The following RNF168 variants were observed in gnomAD, a reference collection of about 807,000 sequenced individuals.
RNF168 encodes the protein ring finger protein 168, also known as E3 ubiquitin-protein ligase RNF168.
Under a neutral mutation model 34.9 loss-of-function variants are expected in RNF168, and 34 were observed. The observed-to-expected ratio is 0.97, with a 90% CI of 0.74 to 1.30. RNF168 has a LOEUF of 1.30. Among genes scored for constraint, RNF168 ranks in the 50% most tolerant of loss-of-function variants. RNF168 has a pLI of 0.00. For missense variants in RNF168, 725 were observed against 682.5 expected (o/e 1.06, Z -0.69); for synonymous variants, 264 against 254.7 (o/e 1.04, Z -0.35).
chr3:196,476,388 T>C (rs542436500), intron 4 of RNF168, among the ~76,000 whole-genome samples: 45 of 152,028 alleles, frequency 3.0e-4, no homozygotes, highest in Non-Finnish European at 6.0e-4. Flanking sequence ...ATAGAGATGT[T>C]ATCATACATA....
intron 1 of RNF168, among the ~76,000 whole-genome samples, chr3:196,497,397 CA>C (rs1361911329): frequency 6.6e-6 from 1 of 152,160 alleles, no homozygotes; most frequent in African/African-American, 2.4e-5. Flanking sequence ...ACTGGCCAGA[CA>C]CAGTGGCTCA....
chr3:196,484,263 G>A (rs754303106), intron 3 of RNF168, among the ~76,000 whole-genome samples: 13 of 132,544 alleles, frequency 9.8e-5, no homozygotes, highest in South Asian at 2.6e-4. Context: ...CTCCACCCCC[G>A]CAGGTTCATG....
chr3:196,497,917 CAG>C (rs1418107740), intron 1 of RNF168, among the ~76,000 whole-genome samples: 4 of 152,028 alleles, frequency 2.6e-5, no homozygotes, highest in African/African-American at 7.3e-5. Context: ...AAGAATTAAA[CAG>C]ACACTTTACA....
At chr3:196,500,781 G>T (rs975680641) in intron 1 of RNF168, among the ~76,000 whole-genome samples, 1 of 151,520 alleles carries the variant, frequency 6.6e-6, no homozygotes, top group Non-Finnish European at 1.5e-5. Flanking sequence ...GCGTGATCTC[G>T]GCTCACTGCA....
chr3:196,480,384 CTATCCTGAGTTTCTTA>C (rs1287619199), intron 4 of RNF168, among the ~76,000 whole-genome samples: 1 of 152,226 alleles, frequency 6.6e-6, no homozygotes, highest in East Asian at 1.9e-4. Context: ...CCACCTCATA[CTATCCTGAGTTTCTTA>C]TATCTTACTT....
At position 196,503,362 on chromosome 3, in the gene RNF168, C is replaced by G; in HGVS notation, c.-189G>C. ...AAAGGCGCTCTCAGGGTCAGGCAAA[C>G]AGGAATACCCCGGAGGGCGGCGTCT... On this transcript the variant is annotated 5_prime_UTR_variant, in exon 1 of 6. Transcript: ENST00000318037. The G allele has an allele frequency of 1.6e-6, 1 of 625,700 alleles. No individual in the cohort carries two copies. Among genetic ancestry groups the G allele is most frequent in the Non-Finnish European group, 2.8e-6 (1 of 351,542 alleles). The allele number at this position is 625,700 out of a possible 1,614,324, so 38.8% of individuals were successfully genotyped here. A position where few individuals can be genotyped will look rare whatever the true frequency, so the allele number is the denominator to read the frequency against.
Position 196,471,901 on chromosome 3 carries a change from TTACAG to T in RNF168, c.1629_1633del (p.His543GlnfsTer12). ...TAGGGAGTGAGCACTTTTGGATACC[TTACAG>T]TGATCTCTAGTAGAATTTGGCATCT... On this transcript the variant is annotated frameshift_variant, in exon 6 of 6. Transcript: ENST00000318037. LOFTEE classifies it high-confidence loss of function. 6.2e-7 allele frequency: 1 copy of T among 1,614,004 alleles called. No individual in the cohort carries two copies. The highest frequency in any genetic ancestry group is 8.5e-7 in the Non-Finnish European group (1 of 1,179,846).
chr3:196,472,052 T>C lies in RNF168; in HGVS notation c.1483A>G (p.Lys495Glu). The change falls in exon 6 of 6, where the codon AAA (lysine) becomes GAA (glutamate). Residue 495 changes from lysine (K) to glutamate (E), a missense_variant. Lys to Glu is a moderately conservative substitution (Grantham distance 56, BLOSUM62 1). Transcript: ENST00000318037. ...KVLNGQRKNP[K>E]DGNFKRQTHT... Reference sequence around the variant, plus strand: ...GTTTGCCTTTTGAAGTTCCCATCTTTGGGATTCTTCCTCTGTCCATTTAGC... The same window carrying C: ...GTTTGCCTTTTGAAGTTCCCATCTTCGGGATTCTTCCTCTGTCCATTTAGC... 2 of 1,613,908 alleles carry C rather than the reference T, an allele frequency of 1.2e-6. No homozygotes were observed. Among genetic ancestry groups the C allele is most frequent in the Non-Finnish European group, 1.7e-6 (2 of 1,179,856 alleles).
Position 196,471,770 on chromosome 3 carries a change from C to T in RNF168, c.*49G>A. On this transcript the variant is annotated 3_prime_UTR_variant, in exon 6 of 6. Transcript: ENST00000318037. Reference sequence around the variant, plus strand: ...ATGAAGATTCCATGATAGGAAAGAGCTTCACATTCCAGCTTTACTAGATCA... The same window carrying T: ...ATGAAGATTCCATGATAGGAAAGAGTTTCACATTCCAGCTTTACTAGATCA... 2.5e-6 allele frequency: 3 copies of T among 1,184,902 alleles called. No individual in the cohort carries two copies. The highest frequency in any genetic ancestry group is 3.8e-6 in the Non-Finnish European group (3 of 789,608). 73.4% of individuals were successfully genotyped at this position (1,184,902 alleles called of 1,614,324 possible).
rs1333571427 is a variant in RNF168, at chr3:196,470,592, C to T, written c.*1227G>A. On this transcript the variant is annotated 3_prime_UTR_variant, in exon 6 of 6. Coordinates refer to ENST00000318037, the MANE Select transcript of RNF168 (RefSeq NM_152617.4). ...CAACCACCCAATCAGTTTCAATGATCCAGACTGTCAGTCACCCCATCCAGC... is the reference window on the plus strand; with the variant it reads ...CAACCACCCAATCAGTTTCAATGATTCAGACTGTCAGTCACCCCATCCAGC... The T allele has an allele frequency of 6.6e-6, 1 of 152,070 alleles. No homozygotes were observed. The highest frequency in any genetic ancestry group is 6.6e-5 in the Admixed American group (1 of 15,128). 9.4% of individuals were successfully genotyped at this position (152,070 alleles called of 1,614,324 possible). A position where few individuals can be genotyped will look rare whatever the true frequency, so the allele number is the denominator to read the frequency against.
intron 4 of RNF168, among the ~76,000 whole-genome samples, chr3:196,479,633 C>T (rs1050391778): frequency 1.3e-5 from 2 of 151,864 alleles, no homozygotes; most frequent in African/African-American, 4.8e-5. Flanking sequence ...GACTATCGCC[C>T]AGGCTGGAGT....
At position 196,503,476 on chromosome 3, in the gene RNF168, G is replaced by A. The variant is rs1319005415; in HGVS notation, c.-303C>T. The A allele has an allele frequency of 1.2e-5, 5 of 414,426 alleles. No individual in the cohort carries two copies. The highest frequency in any genetic ancestry group is 2.3e-5 in the Non-Finnish European group (5 of 221,640). The allele number at this position is 414,426 out of a possible 1,614,324, so 25.7% of individuals were successfully genotyped here. On this transcript the variant is annotated 5_prime_UTR_variant, in exon 1 of 6. Coordinates refer to ENST00000318037, the MANE Select transcript of RNF168 (RefSeq NM_152617.4). ...GGCTGCTCCGCGGCATGAACACCGC[G>A]GCTGCGGCTCCCGGGGCAGCGAGGG...
chr3:196,484,975 T>C (rs1356872665), intron 3 of RNF168, among the ~76,000 whole-genome samples: 5 of 152,218 alleles, frequency 3.3e-5, no homozygotes, highest in African/African-American at 1.2e-4. Context: ...TTCTAATAAA[T>C]ACTTTTATAT....
chr3:196,481,962 CTTT>C (rs1270244249), intron 4 of RNF168, among the ~76,000 whole-genome samples: 2 of 135,394 alleles, frequency 1.5e-5, no homozygotes, highest in Non-Finnish European at 3.1e-5. Flanking sequence ...CTGTCCCTGG[CTTT>C]TTTTTTTTTT....
chr3:196,477,365 C>T (rs866337438), intron 4 of RNF168, among the ~76,000 whole-genome samples: 1 of 152,176 alleles, frequency 6.6e-6, no homozygotes, highest in South Asian at 2.1e-4. Flanking sequence ...ATAAGTTACA[C>T]TGTGTCAAAA....
At chr3:196,482,160 C>G (rs979313264) in intron 4 of RNF168, among the ~76,000 whole-genome samples, 1 of 152,064 alleles carries the variant, frequency 6.6e-6, no homozygotes, top group Non-Finnish European at 1.5e-5. Flanking sequence ...ACCACTTTAG[C>G]CACATACCAG....
At chr3:196,475,954 G>A (rs1212119822) in intron 4 of RNF168, among the ~76,000 whole-genome samples, 2 of 150,448 alleles carry the variant, frequency 1.3e-5, no homozygotes, top group East Asian at 2.0e-4. Context: ...CCGCCTCCCG[G>A]GTTTAAGCGA....
Position 196,471,611 on chromosome 3 carries a change from A to T in RNF168, c.*208T>A, listed in dbSNP as rs781363861. The T allele has an allele frequency of 3.5e-6, 2 of 570,196 alleles. No individual in the cohort carries two copies. The highest frequency in any genetic ancestry group is 6.3e-6 in the Non-Finnish European group (2 of 318,574). 35.3% of individuals were successfully genotyped at this position (570,196 alleles called of 1,614,324 possible). A position where few individuals can be genotyped will look rare whatever the true frequency, so the allele number is the denominator to read the frequency against. The stretch of plus-strand genomic sequence containing the variant: ...AGCTTAATACACATCTGTTATTAAG[A>T]AGGGAAACGACAGGGGACCCCTGCT... On this transcript the variant is annotated 3_prime_UTR_variant, in exon 6 of 6. Coordinates refer to ENST00000318037, the MANE Select transcript of RNF168 (RefSeq NM_152617.4).
intron 3 of RNF168, among the ~76,000 whole-genome samples, chr3:196,485,035 A>G (rs1732390033): frequency 6.6e-6 from 1 of 152,324 alleles, no homozygotes; most frequent in Non-Finnish European, 1.5e-5. Flanking sequence ...GATATACCCA[A>G]AAGAATAGTT....
Sources: gnomAD v4.1 joint callset for allele counts (sites outside exome capture counted in the v4.1 genomes callset) on GRCh38, gnomAD v4.1.1 for gene constraint, MANE v1.5 for transcripts, NCBI Gene and HGNC (gene_info 2026-07-23, HGNC 2026-07-21) for gene names.